ACP4: variants seen among roughly 807,000 people sequenced by gnomAD.
ACP4 encodes acid phosphatase 4, also known as testicular acid phosphatase.
A neutral mutation model predicts 47.3 loss-of-function variants in ACP4; 49 were observed. The ratio of observed to expected loss-of-function variants is 1.04; its 90% CI spans 0.82 to 1.32. The LOEUF (loss-of-function observed/expected upper bound fraction) is 1.32. Ranked by LOEUF, ACP4 falls within the 40% of genes most tolerant of loss-of-function variation. The pLI is 0.00. For synonymous variants in ACP4, 299 were observed against 265.3 expected, an observed-to-expected ratio of 1.13 and a Z score of -1.23; for missense variants, 594 against 579.3, an observed-to-expected ratio of 1.03 and a Z score of -0.26.
intron 4 of ACP4, 91 bp from the exon 5 acceptor site, chr19:50,791,982 C>T (rs949073382): frequency 6.1e-6 from 9 of 1,467,228 alleles, no homozygotes; most frequent in South Asian, 2.7e-5. Context: ...GCGACAAAGA[C>T]GCAGGGGCCG....
At position 50,791,666 on chromosome 19, in the gene ACP4, G is replaced by T; in HGVS notation, c.314G>T (p.Arg105Leu). 6.2e-7 allele frequency: 1 copy of T among 1,611,944 alleles called. No homozygotes were observed. ...PEYRREEVYIRSTDFDRTLES... is the reference protein window; with the variant it reads ...PEYRREEVYILSTDFDRTLES... ...TCCACCCCGCTCCAGGTGTACATCC[G>T]CAGCACGGACTTTGACCGCACGCTG... The change falls in exon 4 of 11, where the codon CGC (arginine) becomes CTC (leucine). Residue 105 changes from arginine to leucine, a missense_variant. Transcript: ENST00000270593.
At position 50,791,716 on chromosome 19, in the gene ACP4, G is replaced by C; in HGVS notation, c.364G>C (p.Gly122Arg). The change falls in exon 4 of 11, where the codon GGG (glycine) becomes CGG (arginine). Residue 122 changes from glycine to arginine, a missense_variant. By Grantham distance (125) the Gly-to-Arg change is moderately radical. Transcript: ENST00000270593. ...TLESAQANLA[G>R]LFPEAAPGSP... ...GGAGAGTGCCCAGGCCAACCTTGCC[G>C]GGCTGTTTCCCGAGGCTGCTCCAGG... is the stretch of plus-strand genomic sequence containing the variant. 1 of 1,613,300 alleles carries C rather than the reference G, an allele frequency of 6.2e-7. No homozygotes were observed. The highest frequency in any genetic ancestry group is 8.5e-7 in the Non-Finnish European group (1 of 1,179,906).
chr19:50,792,864 A>AT (rs1251808775), intron 6 of ACP4: 1 of 152,350 alleles, frequency 6.6e-6, no homozygotes, highest in Non-Finnish European at 1.5e-5. Context: ...AAAAAAATTA[A>AT]TTTTTTGCAG....
chr19:50,792,185 C>G lies in ACP4; in HGVS notation c.549+14C>G. The G allele has an allele frequency of 6.2e-7, 1 of 1,610,324 alleles. No homozygotes were observed. Among genetic ancestry groups the G allele is most frequent in the Non-Finnish European group, 8.5e-7 (1 of 1,179,326 alleles). Reference sequence around the variant, plus strand: ...GAGGGCTGGACGGTGAGCAGGGCGGCGGTGGGGGGCGGGATGCAGGGGATG... The same window carrying G: ...GAGGGCTGGACGGTGAGCAGGGCGGGGGTGGGGGGCGGGATGCAGGGGATG... On this transcript the variant is annotated intron_variant, in intron 5 of 10. Coordinates refer to ENST00000270593, the MANE Select transcript of ACP4 (RefSeq NM_033068.3).
At position 50,790,538 on chromosome 19, in the gene ACP4, C is replaced by G. The variant is rs1436414807; in HGVS notation, c.111+13C>G. 5 of 1,541,610 alleles carry G rather than the reference C, an allele frequency of 3.2e-6. No homozygotes were observed. The highest frequency in any genetic ancestry group is 3.9e-5 in the Admixed American group (2 of 50,702). On this transcript the variant is annotated intron_variant, in intron 1 of 10. Transcript: ENST00000270593. ...GTTCGTGGCTCTGGTGAGGCGCCCC[C>G]ACCCCGGCCTGCCCTTAGCTCCCCC...
intron 6 of ACP4, chr19:50,792,621 A>C: frequency 2.8e-6 from 1 of 351,496 alleles, no homozygotes; most frequent in South Asian, 8.0e-5. Context: ...CCACAGTCCT[A>C]TAATCAGAAA....
chr19:50,794,090 G>GT (rs1359275805), intron 8 of ACP4, 120 bp downstream of exon 8: 26 of 1,198,164 alleles, frequency 2.2e-5, no homozygotes, highest in Admixed American at 1.4e-4. Context: ...GGGGTAACCC[G>GT]TATCTCCAAA....
At position 50,794,832 on chromosome 19, in the gene ACP4, C is replaced by T. The variant is rs1201675395; in HGVS notation, c.1033C>T (p.Pro345Ser). ...LFYRNDSAHL[P>S]LPLSLPGCPA... ...CTACCGCAATGACTCCGCCCACCTG[C>T]CCCTGCCTCTCAGCCTCCCCGGGTG... The change falls in exon 10 of 11, where the codon CCC (proline) becomes TCC (serine). Residue 345 changes from proline to serine, a missense_variant. Coordinates refer to ENST00000270593, the MANE Select transcript of ACP4 (RefSeq NM_033068.3). 1 of 1,612,840 alleles carries T rather than the reference C, an allele frequency of 6.2e-7. No individual in the cohort carries two copies. Among genetic ancestry groups the T allele is most frequent in the Non-Finnish European group, 8.5e-7 (1 of 1,179,430 alleles).
At position 50,794,664 on chromosome 19, in the gene ACP4, C is replaced by A. The variant is rs1369529230; in HGVS notation, c.986+83C>A. 1.9e-6 allele frequency: 3 copies of A among 1,604,704 alleles called. No individual in the cohort carries two copies. In the East Asian group the frequency reaches 6.7e-5, roughly 36 times the overall value. ...TGATGTGTCAGGCAGAGGGCATGGC[C>A]AGGTGGGGAGCTGCATGGGATGATG... On this transcript the variant is annotated intron_variant, in intron 9 of 10. Coordinates refer to ENST00000270593, the MANE Select transcript of ACP4 (RefSeq NM_033068.3).
chr19:50,794,060 T>C, intron 8 of ACP4, 90 bp downstream of exon 8: 1 of 1,474,498 alleles, frequency 6.8e-7, no homozygotes, highest in South Asian at 1.1e-5. Context: ...GTGGTCCCAG[T>C]GGATCTCAGC....
In ACP4 at chr19:50,794,984, G is replaced by T. The variant is rs774700310; in HGVS notation, c.1165+20G>T. ...CCCCAGGTGACAGTCCTCTGTGTTG[G>T]GGTGGGAGTGGAGGGTTGCCAAGTC... On this transcript the variant is annotated intron_variant, in intron 10 of 10. Coordinates refer to ENST00000270593, the MANE Select transcript of ACP4 (RefSeq NM_033068.3). 5.6e-6 allele frequency: 9 copies of T among 1,613,474 alleles called. No homozygotes were observed. The highest frequency in any genetic ancestry group is 7.6e-6 in the Non-Finnish European group (9 of 1,179,908).
rs768462488 is a variant in ACP4 at position 50,793,932 on chromosome 19, C to T, written c.823C>T (p.Arg275Cys). The change falls in exon 8 of 11, where the codon CGC becomes TGC. Residue 275 changes from arginine to cysteine, a missense_variant. Arg to Cys is a radical substitution (Grantham distance 180). Coordinates refer to ENST00000270593, the MANE Select transcript of ACP4 (RefSeq NM_033068.3). ...CCTTGCAAACTTCTCCCGGGTCCAGCGCCTGGGGCTGCCCCTCAAGATGGT... is the reference window on the plus strand; with the variant it reads ...CCTTGCAAACTTCTCCCGGGTCCAGTGCCTGGGGCTGCCCCTCAAGATGGT... ...AILANFSRVQ[R>C]LGLPLKMVMY... is the part of the protein sequence containing the mutation. 5.0e-6 allele frequency: 8 copies of T among 1,613,986 alleles called. No homozygotes were observed. Among genetic ancestry groups the T allele is most frequent in the African/African-American group, 4.0e-5 (3 of 74,928 alleles).
chr19:50,790,993 T>C, intron 3 of ACP4, 133 bp downstream of exon 3: 1 of 858,038 alleles, frequency 1.2e-6, no homozygotes, highest in East Asian at 2.7e-5. Flanking sequence ...ACCTCTAATC[T>C]CTGACCCCCG....
chr19:50,790,931 C>A, intron 3 of ACP4, 71 bp downstream of exon 3: 1 of 1,414,582 alleles, frequency 7.1e-7, no homozygotes, highest in South Asian at 1.3e-5. Flanking sequence ...ACAACGCTCT[C>A]TTTGGGCCTC....
At chr19:50,792,656 T>G in intron 6 of ACP4, 1 of 242,932 alleles carries the variant, frequency 4.1e-6, no homozygotes, top group African/African-American at 2.3e-5. Flanking sequence ...CAGCGGGAGC[T>G]GACCTGAAAT....
chr19:50,792,676 CTTTTTTTTT>C, intron 6 of ACP4: 1 of 110,378 alleles, frequency 9.1e-6, no homozygotes. Flanking sequence ...TGATGCAATG[CTTTTTTTTT>C]TTTTTTTTTT....
chr19:50,792,333 G>A lies in ACP4; in HGVS notation c.641G>A (p.Cys214Tyr). The A allele has an allele frequency of 6.2e-7, 1 of 1,613,058 alleles. No homozygotes were observed. The highest frequency in any genetic ancestry group is 1.1e-5 in the South Asian group (1 of 91,090). The change falls in exon 6 of 11, where the codon TGC becomes TAC. Residue 214 changes from cysteine (C) to tyrosine (Y), a missense_variant. Physicochemically the swap from Cys to Tyr is radical, Grantham distance 194. Coordinates refer to ENST00000270593, the MANE Select transcript of ACP4 (RefSeq NM_033068.3). ...RAWKVLDTLMCQQAHGLPLPA... is the reference protein window; with the variant it reads ...RAWKVLDTLMYQQAHGLPLPA... ...TGGAAGGTTCTGGACACCCTCATGT[G>A]CCAGGTGAGCCCTGCCCCTTCCCAG...
rs750637211 is a variant in ACP4, at chr19:50,790,456, C to CCTG, written c.58_60dup (p.Leu20dup). 11 of 1,579,414 alleles carry CCTG rather than the reference C, an allele frequency of 7.0e-6. No individual in the cohort carries two copies. The highest frequency in any genetic ancestry group is 4.6e-5 in the East Asian group (2 of 43,666). On this transcript the variant is annotated inframe_insertion, in exon 1 of 11. Transcript: ENST00000270593. ...TTTGGGGCCACCCTGCTGGACCTCT[C>CCTG]CTGCTGCTGCTGCTGCTGGTGCTGC...
In ACP4 at chr19:50,792,223, C is replaced by T. The variant is rs761698337; in HGVS notation, c.550-19C>T. 11 of 1,612,376 alleles carry T rather than the reference C, an allele frequency of 6.8e-6. No homozygotes were observed. The Admixed American group carries it at 1.7e-4, about 24-fold the overall frequency. On this transcript the variant is annotated intron_variant, in intron 5 of 10. Transcript: ENST00000270593. ...GATGCAGGGGATGGGCCTGGGCTCA[C>T]CCAGCCCCGCGCATCCAGGGCTTCC...
Sources: gnomAD v4.1 joint callset for allele counts on GRCh38, gnomAD v4.1.1 for gene constraint, MANE v1.5 for transcripts, NCBI Gene and HGNC (gene_info 2026-07-23, HGNC 2026-07-21) for gene names.